Variants in ENOX1 observed in about 807,000 individuals in gnomAD.
The protein encoded by ENOX1 is ecto-NOX disulfide-thiol exchanger 1.
A neutral mutation model predicts 82.5 loss-of-function variants in ENOX1; 42 were observed. The observed-to-expected ratio is 0.51, with a 90% CI of 0.40 to 0.66. ENOX1 has a LOEUF of 0.66. Ranked by LOEUF, ENOX1 falls within the 30% of genes least tolerant of loss-of-function variation. The pLI is 0.00. For synonymous variants in ENOX1, 271 were observed against 282.2 expected, an observed-to-expected ratio of 0.96 and a Z score of 0.40; for missense variants, 608 against 811.6, an observed-to-expected ratio of 0.75 and a Z score of 3.05.
chr13:43,400,643 A>G (rs2053443732), intron 5 of ENOX1, among the ~76,000 whole-genome samples: 1 of 152,200 alleles, frequency 6.6e-6, no homozygotes, highest in Admixed American at 6.5e-5. Context: ...TTAGTACAAT[A>G]TCTAGATCAC....
intron 2 of ENOX1, among the ~76,000 whole-genome samples, chr13:43,605,430 C>A (rs1360661949): frequency 1.3e-5 from 2 of 152,008 alleles, no homozygotes; most frequent in Non-Finnish European, 2.9e-5. Flanking sequence ...TTATAATAAC[C>A]AAACAGCATG....
intron 2 of ENOX1, among the ~76,000 whole-genome samples, chr13:43,640,448 C>G (rs1055747783): frequency 6.6e-6 from 1 of 152,088 alleles, no homozygotes; most frequent in Non-Finnish European, 1.5e-5. Context: ...GTGTATCAGA[C>G]ATGAGAAAAT....
At chr13:43,405,338 C>A (rs1420720960) in intron 5 of ENOX1, among the ~76,000 whole-genome samples, 1 of 152,132 alleles carries the variant, frequency 6.6e-6, no homozygotes, top group African/African-American at 2.4e-5. Context: ...AGCAGAGGTG[C>A]GTCTGGGCGT....
At chr13:43,654,835 A>C (rs2084356392) in intron 2 of ENOX1, among the ~76,000 whole-genome samples, 1 of 152,206 alleles carries the variant, frequency 6.6e-6, no homozygotes, top group Admixed American at 6.5e-5. Flanking sequence ...AGATGGAACT[A>C]TCCCTTCATT....
intron 2 of ENOX1, among the ~76,000 whole-genome samples, chr13:43,605,533 T>G (rs901170159): frequency 4.6e-5 from 7 of 152,146 alleles, no homozygotes; most frequent in African/African-American, 1.7e-4. Flanking sequence ...TTGACAAAGA[T>G]GTCAAGAACA....
At chr13:43,259,925 G>A (rs1417491199) in intron 14 of ENOX1, among the ~76,000 whole-genome samples, 1 of 152,164 alleles carries the variant, frequency 6.6e-6, no homozygotes, top group African/African-American at 2.4e-5. Context: ...TCCAGCCTGA[G>A]TTGTTTTTTA....
At chr13:43,416,280 C>T (rs1419001146) in intron 3 of ENOX1, among the ~76,000 whole-genome samples, 44 of 141,990 alleles carry the variant, frequency 3.1e-4, no homozygotes, top group African/African-American at 9.9e-4. Context: ...CCAGACGGGG[C>T]GGCCGGGCAG....
At chr13:43,476,572 G>T (rs921943092) in intron 3 of ENOX1, among the ~76,000 whole-genome samples, 47 of 152,114 alleles carry the variant, frequency 3.1e-4, no homozygotes, top group Admixed American at 1.6e-3. Flanking sequence ...CTAAAGGCGG[G>T]AAATAACCCC....
chr13:43,548,991 G>A (rs763936752), intron 2 of ENOX1, among the ~76,000 whole-genome samples: 1 of 152,054 alleles, frequency 6.6e-6, no homozygotes, highest in Non-Finnish European at 1.5e-5. Context: ...TCCTTTTGGT[G>A]TAAAGCCCTT....
At chr13:43,233,973 A>T (rs570823899) in intron 15 of ENOX1, among the ~76,000 whole-genome samples, 1 of 152,336 alleles carries the variant, frequency 6.6e-6, no homozygotes, top group South Asian at 2.1e-4. Flanking sequence ...AGAATCATTC[A>T]GTGCATGAGA....
At chr13:43,265,071 G>A (rs1277256030) in intron 14 of ENOX1, among the ~76,000 whole-genome samples, 1 of 152,196 alleles carries the variant, frequency 6.6e-6, no homozygotes, top group African/African-American at 2.4e-5. Flanking sequence ...ATGCGCAACT[G>A]ATTACCCTGT....
chr13:43,696,554 G>T (rs2086649508), intron 1 of ENOX1, among the ~76,000 whole-genome samples: 1 of 152,178 alleles, frequency 6.6e-6, no homozygotes, highest in Non-Finnish European at 1.5e-5. Context: ...CAGTGGCTGA[G>T]CTTGGGAGCC....
intron 2 of ENOX1, among the ~76,000 whole-genome samples, chr13:43,514,655 A>G: frequency 6.6e-6 from 1 of 152,140 alleles, no homozygotes; most frequent in Non-Finnish European, 1.5e-5. Context: ...TCAGTTGTCT[A>G]AAGCGATATG....
chr13:43,502,100 A>G (rs940452887), intron 2 of ENOX1, among the ~76,000 whole-genome samples: 1 of 151,698 alleles, frequency 6.6e-6, no homozygotes. Context: ...GTGACAATAT[A>G]TACGAACACA....
chr13:43,496,970 T>A (rs2076819185), intron 2 of ENOX1, among the ~76,000 whole-genome samples: 1 of 152,148 alleles, frequency 6.6e-6, no homozygotes, highest in Admixed American at 6.6e-5. Flanking sequence ...CAAAAAAACA[T>A]AAACTTTTGG....
intron 12 of ENOX1, 26 bp from the exon 13 acceptor site, chr13:43,269,603 T>C (rs746296946): frequency 3.2e-6 from 5 of 1,563,928 alleles, no homozygotes; most frequent in Non-Finnish European, 4.4e-6. Flanking sequence ...ATATTTAGCA[T>C]AAGTAGGATT....
intron 3 of ENOX1, among the ~76,000 whole-genome samples, chr13:43,474,554 G>T (rs995852975): frequency 3.3e-5 from 5 of 152,002 alleles, no homozygotes; most frequent in South Asian, 2.1e-4. Flanking sequence ...CTTAAATTTT[G>T]CTTTGCAGTT....
chr13:43,338,974 C>T lies in ENOX1; in HGVS notation c.1036+5564G>A, dbSNP rs563830312. The stretch of plus-strand genomic sequence containing the variant: ...TGCTGGGATTACAGGCGTGAGCCAC[C>T]GTGCCCGGCCTCGGGTTGGGTTTAA... On this transcript the variant is annotated intron_variant, in intron 9 of 16. Transcript: ENST00000690772. 3.9e-5 allele frequency among the ~76,000 whole-genome samples: 6 copies of T among 152,264 alleles called. No individual in the cohort carries two copies. In the East Asian group the frequency reaches 7.7e-4, roughly 20 times the overall value.
At chr13:43,683,842 T>C (rs1030047219) in intron 1 of ENOX1, among the ~76,000 whole-genome samples, 1 of 151,956 alleles carries the variant, frequency 6.6e-6, no homozygotes, top group Non-Finnish European at 1.5e-5. Flanking sequence ...AGTCTATAAA[T>C]ATGTATTTAG....
Sources: gnomAD v4.1 joint callset for allele counts (sites outside exome capture counted in the v4.1 genomes callset) on GRCh38, gnomAD v4.1.1 for gene constraint, MANE v1.5 for transcripts, NCBI Gene and HGNC (gene_info 2026-07-23, HGNC 2026-07-21) for gene names.